Variants in LMO7 observed in about 807,000 individuals in gnomAD.
The protein encoded by LMO7 is LIM domain 7.
A neutral mutation model predicts 206.5 loss-of-function variants in LMO7; 120 were observed. The ratio of observed to expected loss-of-function variants is 0.58; its 90% CI spans 0.50 to 0.68. The LOEUF is 0.68. LMO7 is among the 30% of genes least tolerant of loss of function. The pLI is 0.00. For synonymous variants in LMO7, 706 were observed against 681.5 expected, an observed-to-expected ratio of 1.04 and a Z score of -0.56; for missense variants, 1,959 against 1,957.9, an observed-to-expected ratio of 1.00 and a Z score of -0.01.
intron 7 of LMO7, among the ~76,000 whole-genome samples, chr13:75,803,428 A>G (rs2055034255): frequency 6.6e-6 from 1 of 152,096 alleles, no homozygotes; most frequent in Non-Finnish European, 1.5e-5. Context: ...AACCTTTACA[A>G]GTGCACAGGA....
chr13:75,750,283 A>T (rs1457696918), intron 3 of LMO7, among the ~76,000 whole-genome samples: 2 of 152,134 alleles, frequency 1.3e-5, no homozygotes, highest in Non-Finnish European at 2.9e-5. Flanking sequence ...ACTAAAGAGA[A>T]ACACTGTCTT....
At chr13:75,768,086 T>A (rs1348155427) in intron 4 of LMO7, among the ~76,000 whole-genome samples, 1 of 152,080 alleles carries the variant, frequency 6.6e-6, no homozygotes, top group Non-Finnish European at 1.5e-5. Flanking sequence ...AAGTATATAG[T>A]GCCTGTATAT....
Position 75,691,604 on chromosome 13 carries a change from G to A in LMO7, c.70-21578G>A, listed in dbSNP as rs1469142075. Reference sequence around the variant, plus strand: ...ACTCCAGTGTTGATCTCTTTCTTCGGGCTTTGAAACCCAGTCCTCTCTTTC... The same window carrying A: ...ACTCCAGTGTTGATCTCTTTCTTCGAGCTTTGAAACCCAGTCCTCTCTTTC... On this transcript the variant is annotated intron_variant, in intron 1 of 30. Coordinates refer to ENST00000377534, the MANE Select transcript of LMO7 (RefSeq NM_001306080.2). Among the ~76,000 whole-genome samples, 7 of 150,464 alleles carry A rather than the reference G, an allele frequency of 4.7e-5. No individual in the cohort carries two copies. The East Asian group carries it at 1.2e-3, about 25-fold the overall frequency.
At chr13:75,633,997 ATTT>A (rs3036384), upstream of LMO7, among the ~76,000 whole-genome samples, 2 of 141,224 alleles carry the variant, frequency 1.4e-5, no homozygotes, top group Non-Finnish European at 3.1e-5. Flanking sequence ...CGTCCAGCTA[ATTT>A]TTTTTTTTTT....
At chr13:75,802,729 G>A (rs2054918354) in intron 7 of LMO7, among the ~76,000 whole-genome samples, 2 of 152,126 alleles carry the variant, frequency 1.3e-5, no homozygotes, top group South Asian at 4.1e-4. Flanking sequence ...TTACAACTAA[G>A]CGGGGAAAAA....
intron 3 of LMO7, among the ~76,000 whole-genome samples, chr13:75,744,834 G>T (rs558538219): frequency 3.9e-5 from 6 of 152,178 alleles, no homozygotes; most frequent in African/African-American, 7.2e-5. Flanking sequence ...GCCATGGAGT[G>T]GGGGGTTGCA....
intron 4 of LMO7, among the ~76,000 whole-genome samples, chr13:75,778,611 T>C (rs565651454): frequency 6.6e-5 from 10 of 152,368 alleles, no homozygotes; most frequent in Middle Eastern, 3.4e-3. Flanking sequence ...AAGTCAACAC[T>C]TGAAAATCAT....
At chr13:75,711,240 G>A (rs1438905596) in intron 1 of LMO7, among the ~76,000 whole-genome samples, 1 of 151,780 alleles carries the variant, frequency 6.6e-6, no homozygotes, top group Non-Finnish European at 1.5e-5. Context: ...TGTTCATCAG[G>A]GATATTGGTC....
At chr13:75,648,121 A>C (rs145022176) in intron 1 of LMO7, among the ~76,000 whole-genome samples, 10 of 150,706 alleles carry the variant, frequency 6.6e-5, no homozygotes, top group African/African-American at 2.2e-4. Flanking sequence ...AATTTTTAAA[A>C]TTTTTTTGTA....
chr13:75,729,013 G>C (rs1260622550), intron 3 of LMO7, among the ~76,000 whole-genome samples: 3 of 152,302 alleles, frequency 2.0e-5, no homozygotes, highest in Middle Eastern at 3.4e-3. Context: ...GTACCATGCT[G>C]TTTTGAGTTA....
rs775460867 is a variant in LMO7 at position 75,821,507 on chromosome 13, A to C, written c.2538A>C (p.Arg846Ser). 7.4e-6 allele frequency: 12 copies of C among 1,614,108 alleles called. No homozygotes were observed. Among genetic ancestry groups the C allele is most frequent in the Non-Finnish European group, 9.3e-6 (11 of 1,179,982 alleles). The change falls in exon 14 of 31, where the codon AGA becomes AGC. Residue 846 changes from arginine (R) to serine (S), a missense_variant. By Grantham distance (110) the Arg-to-Ser change is moderately radical. Coordinates refer to ENST00000377534, the MANE Select transcript of LMO7 (RefSeq NM_001306080.2). ...ESTRVSASLP[R>S]SYRKTDTVRL... ...CTCGTGTTTCAGCTTCTCTCCCCAG[A>C]AGTTACCGGAAAACTGATACAGTCA...
chr13:75,838,075 C>A, intron 19 of LMO7, 65 bp from the exon 20 acceptor site: 3 of 908,044 alleles, frequency 3.3e-6, no homozygotes, highest in South Asian at 1.4e-5. Flanking sequence ...TATCAAGTAT[C>A]GTTTAATTTA....
chr13:75,712,114 T>C (rs1242093583), intron 1 of LMO7, among the ~76,000 whole-genome samples: 1 of 152,178 alleles, frequency 6.6e-6, no homozygotes, highest in South Asian at 2.1e-4. Flanking sequence ...ATAGGGATTC[T>C]AGGGGGACCG....
intron 3 of LMO7, among the ~76,000 whole-genome samples, chr13:75,742,166 C>T (rs1461408384): frequency 6.6e-6 from 1 of 152,086 alleles, no homozygotes; most frequent in Non-Finnish European, 1.5e-5. Flanking sequence ...TACAGCTAAC[C>T]AGGGACGTGA....
At chr13:75,705,478 A>T (rs965701255) in intron 1 of LMO7, among the ~76,000 whole-genome samples, 2 of 152,172 alleles carry the variant, frequency 1.3e-5, no homozygotes, top group African/African-American at 4.8e-5. Context: ...AACAAGAAAG[A>T]GAAGAAAAAA....
intron 3 of LMO7, among the ~76,000 whole-genome samples, chr13:75,737,854 A>C (rs2046060223): frequency 6.9e-6 from 1 of 145,634 alleles, no homozygotes; most frequent in Non-Finnish European, 1.5e-5. Context: ...AAAAAAAAAA[A>C]AAAAAAAAAA....
At chr13:75,847,008 GT>G (rs1188014714) in intron 26 of LMO7, among the ~76,000 whole-genome samples, 1 of 148,404 alleles carries the variant, frequency 6.7e-6, no homozygotes, top group African/African-American at 2.5e-5. Flanking sequence ...TCCAGCCTGG[GT>G]GACGGAGCAG....
At chr13:75,771,024 T>G (rs1241177066) in intron 4 of LMO7, among the ~76,000 whole-genome samples, 1 of 152,108 alleles carries the variant, frequency 6.6e-6, no homozygotes, top group Non-Finnish European at 1.5e-5. Flanking sequence ...TGACAGAAAT[T>G]ATCATGAGTT....
intron 21 of LMO7, 131 bp downstream of exon 21, chr13:75,840,241 A>C (rs549168404): frequency 8.0e-6 from 11 of 1,378,520 alleles, no homozygotes; most frequent in Non-Finnish European, 1.0e-5. Context: ...AAGTTGAAAA[A>C]CTTATTTTAA....
Sources: allele counts gnomAD v4.1 joint callset (sites outside exome capture counted in the v4.1 genomes callset), GRCh38; gene constraint gnomAD v4.1.1; transcripts MANE v1.5; gene names NCBI Gene and HGNC (gene_info 2026-07-23, HGNC 2026-07-21).